Variants in CDC42SE2 observed in about 807,000 individuals in gnomAD.
CDC42SE2 encodes CDC42 small effector protein 2.
Under a neutral mutation model 11.5 loss-of-function variants are expected in CDC42SE2, and 3 were observed. That is an observed-to-expected ratio of 0.26 (90% confidence interval 0.12 to 0.67). The LOEUF (loss-of-function observed/expected upper bound fraction) is 0.67. CDC42SE2 is among the 30% of genes least tolerant of loss of function. The pLI is 0.80. For missense variants in CDC42SE2, 82 were observed against 106.8 expected (o/e 0.77, Z 1.02); for synonymous variants, 33 against 34.8 (o/e 0.95, Z 0.18).
chr5:131,243,142 A>G (rs1367270704), upstream of CDC42SE2, among the ~76,000 whole-genome samples: 1 of 152,130 alleles, frequency 6.6e-6, no homozygotes, highest in African/African-American at 2.4e-5. Flanking sequence ...CTGCAGTCCT[A>G]ATGGAACAAA....
At chr5:131,240,499 T>TAAACAAAC (rs1013728041), upstream of CDC42SE2, among the ~76,000 whole-genome samples, 1 of 152,188 alleles carries the variant, frequency 6.6e-6, no homozygotes. Flanking sequence ...GTTTCTTTGT[T>TAAACAAAC]AAACAAACAA....
chr5:131,318,970 C>T (rs867165695), intron 2 of CDC42SE2, among the ~76,000 whole-genome samples: 1 of 152,078 alleles, frequency 6.6e-6, no homozygotes, highest in East Asian at 1.9e-4. Flanking sequence ...GGCACAATCT[C>T]GGCTCATTGC....
intron 1 of CDC42SE2, among the ~76,000 whole-genome samples, chr5:131,312,195 AC>A (rs1021278339): frequency 6.7e-6 from 1 of 148,816 alleles, no homozygotes; most frequent in African/African-American, 2.5e-5. Context: ...CTGTTGGAGT[AC>A]CTTGCTGTGT....
intron 1 of CDC42SE2, among the ~76,000 whole-genome samples, chr5:131,249,500 T>C (rs568033199): frequency 7.2e-5 from 11 of 152,242 alleles, no homozygotes; most frequent in Non-Finnish European, 1.5e-4. Context: ...ATGATAAAGA[T>C]GCCATGTCAG....
intron 2 of CDC42SE2, among the ~76,000 whole-genome samples, chr5:131,338,002 G>T (rs1561589860): frequency 6.6e-6 from 1 of 152,234 alleles, no homozygotes; most frequent in South Asian, 2.1e-4. Context: ...GATGAACCCG[G>T]TATCTCAGTT....
At chr5:131,350,228 A>T (rs936030492) in intron 2 of CDC42SE2, among the ~76,000 whole-genome samples, 34 of 151,998 alleles carry the variant, frequency 2.2e-4, no homozygotes, top group Admixed American at 3.9e-4. Context: ...AGACATTTTT[A>T]AAAAAAGATT....
At chr5:131,268,118 A>C (rs1354726945) in intron 1 of CDC42SE2, among the ~76,000 whole-genome samples, 2 of 131,680 alleles carry the variant, frequency 1.5e-5, no homozygotes, top group African/African-American at 2.9e-5. Context: ...GCTGGAGTGC[A>C]ATGGCGCAAT....
Position 131,345,336 on chromosome 5 carries a change from C to A in CDC42SE2, c.-285-13873C>A, listed in dbSNP as rs1460582157. Among the ~76,000 whole-genome samples, 5 of 152,178 alleles carry A rather than the reference C, an allele frequency of 3.3e-5. No individual in the cohort carries two copies. The East Asian group carries it at 9.7e-4, about 29-fold the overall frequency. ...GACCTGATGGAGCTGAAAACCATGG[C>A]ACAAGAACTACGTGACTCATGCACA... On this transcript the variant is annotated intron_variant, in intron 2 of 4. Transcript: ENST00000505065.
chr5:131,353,469 A>T (rs933971437), intron 2 of CDC42SE2, among the ~76,000 whole-genome samples: 4 of 151,862 alleles, frequency 2.6e-5, no homozygotes, highest in Non-Finnish European at 5.9e-5. Context: ...TTTAGTAGGG[A>T]TGGGGTTCTG....
At chr5:131,264,194 C>A (rs1580718655) in intron 1 of CDC42SE2, 28 bp downstream of exon 1, 1 of 152,240 alleles carries the variant, frequency 6.6e-6, no homozygotes, top group East Asian at 2.0e-4. Flanking sequence ...CCCAGTCGCG[C>A]GTCGGCCGCC....
At chr5:131,314,960 A>G (rs750529593) in intron 1 of CDC42SE2, among the ~76,000 whole-genome samples, 17 of 152,200 alleles carry the variant, frequency 1.1e-4, no homozygotes, top group Non-Finnish European at 1.8e-4. Flanking sequence ...GTTTGTTTTT[A>G]TGACTGGAAT....
At chr5:131,220,529 A>G in the CDC42SE2 span, among the ~76,000 whole-genome samples, 1 of 152,304 alleles carries the variant, frequency 6.6e-6, no homozygotes, top group Admixed American at 6.5e-5. Flanking sequence ...AGCAAGCAGC[A>G]TATAACACTT....
chr5:131,294,897 G>A (rs1014070734), intron 1 of CDC42SE2, among the ~76,000 whole-genome samples: 1 of 152,164 alleles, frequency 6.6e-6, no homozygotes, highest in African/African-American at 2.4e-5. Context: ...GGAGGCCGAG[G>A]TGGGCGGGTC....
chr5:131,351,010 G>T (rs1580773149), intron 2 of CDC42SE2, among the ~76,000 whole-genome samples: 1 of 152,012 alleles, frequency 6.6e-6, no homozygotes, highest in East Asian at 1.9e-4. Context: ...CAGTGTTACA[G>T]TCATGGCTCA....
chr5:131,256,428 G>A (rs1293803480), intron 2 of CDC42SE2, among the ~76,000 whole-genome samples: 1 of 152,170 alleles, frequency 6.6e-6, no homozygotes, highest in African/African-American at 2.4e-5. Context: ...GTTTTCTATT[G>A]CTGTGTGACA....
At chr5:131,269,369 A>C (rs1756944101) in intron 1 of CDC42SE2, among the ~76,000 whole-genome samples, 1 of 152,194 alleles carries the variant, frequency 6.6e-6, no homozygotes, top group South Asian at 2.1e-4. Flanking sequence ...GAAATAACTA[A>C]ATTATGAGCC....
chr5:131,346,567 C>T (rs1323906297), intron 2 of CDC42SE2, among the ~76,000 whole-genome samples: 1 of 152,092 alleles, frequency 6.6e-6, no homozygotes, highest in Non-Finnish European at 1.5e-5. Flanking sequence ...GACTTTAACA[C>T]CCGACTGTCA....
At chr5:131,311,812 C>T (rs1407992065) in intron 1 of CDC42SE2, among the ~76,000 whole-genome samples, 10 of 152,136 alleles carry the variant, frequency 6.6e-5, no homozygotes. Flanking sequence ...TTAAGCACTT[C>T]TCTGTATTGG....
chr5:131,365,443 T>C (rs1177653407), intron 3 of CDC42SE2, among the ~76,000 whole-genome samples: 1 of 152,218 alleles, frequency 6.6e-6, no homozygotes, highest in East Asian at 1.9e-4. Context: ...TCAAATATGA[T>C]GGATCTCCAT....
Sources: gnomAD v4.1 joint callset for allele counts (sites outside exome capture counted in the v4.1 genomes callset) on GRCh38, gnomAD v4.1.1 for gene constraint, MANE v1.5 for transcripts, NCBI Gene and HGNC (gene_info 2026-07-23, HGNC 2026-07-21) for gene names.